The following CD84 variants were observed in gnomAD, a reference collection of about 807,000 sequenced individuals.
CD84 encodes the protein CD84 molecule, also known as SLAM family member 5.
A neutral mutation model predicts 33.8 loss-of-function variants in CD84; 22 were observed. The observed-to-expected ratio is 0.65, with a 90% CI of 0.46 to 0.93. The LOEUF (loss-of-function observed/expected upper bound fraction) is 0.93, where lower values mean the gene tolerates loss of function less well. Ranked by LOEUF, CD84 falls within the 40% of genes least tolerant of loss-of-function variation. The pLI, the probability that CD84 is intolerant of heterozygous loss-of-function variation, is 0.00. For missense variants in CD84, 400 were observed against 397.6 expected (o/e 1.01, Z -0.05); for synonymous variants, 154 against 145.2 (o/e 1.06, Z -0.44).
chr1:160,571,657 G>T (rs1190711060), intron 1 of CD84, among the ~76,000 whole-genome samples: 1 of 152,142 alleles, frequency 6.6e-6, no homozygotes, highest in Non-Finnish European at 1.5e-5. Flanking sequence ...TAAAATAGAA[G>T]AGACTGGGGG....
In CD84 at chr1:160,548,267, T is replaced by A. The variant is rs781758533; in HGVS notation, c.976A>T (p.Ile326Phe). The A allele has an allele frequency of 2.5e-6, 4 of 1,614,174 alleles. No individual in the cohort carries two copies. The South Asian group carries it at 3.3e-5, about 13-fold the overall frequency. ...TTCAGCCCAGCAGCCTAGATCACAA[T>A]TTCATAGCTTGAAGTCCCAGGAGGT... ...SKPPGTSSYE[I>F]VI is the part of the protein sequence containing the mutation. Residue 326 changes from isoleucine to phenylalanine, a missense_variant, in exon 7 of 7, where the codon ATT (isoleucine) becomes TTT (phenylalanine). Coordinates refer to ENST00000368054, the MANE Select transcript of CD84 (RefSeq NM_003874.4).
chr1:160,577,357 G>A lies in CD84; in HGVS notation c.46+2035C>T, dbSNP rs573251007. Among the ~76,000 whole-genome samples, 8 of 152,276 alleles carry A rather than the reference G, an allele frequency of 5.3e-5. No homozygotes were observed. In the South Asian group the frequency reaches 1.5e-3, roughly 28 times the overall value. ...GGAACAGCAGCAGGAGGAATTCATG[G>A]TATATTTTTGTGCTCAGAAAAGGTT... is the stretch of plus-strand genomic sequence containing the variant. On this transcript the variant is annotated intron_variant, in intron 1 of 6. Transcript: ENST00000368054.
At chr1:160,558,068 A>T (rs1206243824) in intron 2 of CD84, among the ~76,000 whole-genome samples, 1 of 152,208 alleles carries the variant, frequency 6.6e-6, no homozygotes, top group Admixed American at 6.5e-5. Flanking sequence ...GGCTTTGGAG[A>T]GTCCAGAGAG....
At position 160,548,209 on chromosome 1, in the gene CD84, T is replaced by C. The variant is rs1553231191; in HGVS notation, c.*47A>G. 3 of 1,592,654 alleles carry C rather than the reference T, an allele frequency of 1.9e-6. No homozygotes were observed. Among genetic ancestry groups the C allele is most frequent in the African/African-American group, 1.3e-5 (1 of 74,554 alleles). On this transcript the variant is annotated 3_prime_UTR_variant, in exon 7 of 7. Transcript: ENST00000368054. ...TCTGGATCCAGGGAACCTGCCAGTA[T>C]TGGTGGTTGTAACTCAGTTTCCAGA...
rs768167831 is a variant in CD84 at position 160,548,361 on chromosome 1, G to T, written c.922-40C>A. The T allele has an allele frequency of 8.7e-6, 14 of 1,608,524 alleles. No individual in the cohort carries two copies. The Middle Eastern group carries it at 8.3e-4, about 95-fold the overall frequency. On this transcript the variant is annotated intron_variant, in intron 6 of 6. Coordinates refer to ENST00000368054, the MANE Select transcript of CD84 (RefSeq NM_003874.4). Reference sequence around the variant, plus strand: ...AGCGTGAGAAAATGTTAACTGAGAGGTGCTGCTGGGGAACTCCAGTCCTGC... The same window carrying T: ...AGCGTGAGAAAATGTTAACTGAGAGTTGCTGCTGGGGAACTCCAGTCCTGC...
intron 3 of CD84, 82 bp from the exon 4 acceptor site, chr1:160,553,579 A>G: frequency 1.3e-6 from 2 of 1,513,994 alleles, no homozygotes. Context: ...AGTCAGGGGC[A>G]TTATGAAAAT....
At chr1:160,552,569 G>A (rs1656305602) in intron 4 of CD84, 1 of 620,736 alleles carries the variant, frequency 1.6e-6, no homozygotes, top group Non-Finnish European at 3.0e-6. Context: ...AAAAAAACTG[G>A]TAGCTGATAA....
At chr1:160,552,719 A>C in intron 4 of CD84, 1 of 1,548,340 alleles carries the variant, frequency 6.5e-7, no homozygotes, top group Non-Finnish European at 8.7e-7. Flanking sequence ...GTTCTTAGTG[A>C]AGGTGTTCAA....
intron 2 of CD84, among the ~76,000 whole-genome samples, chr1:160,563,065 G>T (rs915920139): frequency 1.3e-5 from 2 of 152,120 alleles, no homozygotes; most frequent in Non-Finnish European, 2.9e-5. Flanking sequence ...CGTCAGAATG[G>T]CAATTATTAA....
Position 160,554,127 on chromosome 1 carries a change from T to G in CD84, c.408A>C (p.Lys136Asn). 6.2e-7 allele frequency: 1 copy of G among 1,612,946 alleles called. No homozygotes were observed. Among genetic ancestry groups the G allele is most frequent in the Non-Finnish European group, 8.5e-7 (1 of 1,179,084 alleles). Residue 136 changes from lysine to asparagine, a missense_variant, in exon 3 of 7, where the codon AAA (lysine) becomes AAC (asparagine). Physicochemically the swap from Lys to Asn is moderately conservative, Grantham distance 94. Transcript: ENST00000368054. ...CAGATGCCATTAAACTCTGTGTAAT[T>G]TTTGGTTTCCCAAGCCGACCTGTGG... is the stretch of plus-strand genomic sequence containing the variant. ...LQIYRRLGKP[K>N]ITQSLMASVN...
Position 160,548,176 on chromosome 1 carries a change from A to T in CD84, c.*80T>A. 6.9e-7 allele frequency: 1 copy of T among 1,442,180 alleles called. No individual in the cohort carries two copies. Among genetic ancestry groups the T allele is most frequent in the Non-Finnish European group, 9.7e-7 (1 of 1,026,660 alleles). The allele number at this position is 1,442,180 out of a possible 1,614,324, so 89.3% of individuals were successfully genotyped here. On this transcript the variant is annotated 3_prime_UTR_variant, in exon 7 of 7. Coordinates refer to ENST00000368054, the MANE Select transcript of CD84 (RefSeq NM_003874.4). ...TGCAATCTCCCAGTAAGAGTTGGGC[A>T]GAGAAGATCTGGATCCAGGGAACCT...
intron 2 of CD84, among the ~76,000 whole-genome samples, chr1:160,555,607 G>A (rs1288617062): frequency 2.0e-5 from 3 of 152,178 alleles, no homozygotes; most frequent in Non-Finnish European, 4.4e-5. Flanking sequence ...CTGGCATGGG[G>A]AAGCGTTAAG....
rs770265408 is a variant in CD84 at position 160,565,575 on chromosome 1, C to T, written c.217G>A (p.Val73Ile). 2.5e-6 allele frequency: 4 copies of T among 1,613,820 alleles called. No homozygotes were observed. The highest frequency in any genetic ancestry group is 3.3e-5 in the Admixed American group (2 of 59,978). ...TAATTTCTGTGGGTCACAGTAACTA[C>T]GGGTGCTGTTTCTGAGTCTCCTGGT... ...VTPGDSETAPVVTVTHRNYYE... is the reference protein window; with the variant it reads ...VTPGDSETAPIVTVTHRNYYE... Residue 73 changes from valine to isoleucine, a missense_variant, in exon 2 of 7, where the codon GTA becomes ATA. Physicochemically the swap from Val to Ile is conservative, Grantham distance 29. Transcript: ENST00000368054.
At chr1:160,560,585 C>A (rs1348356603) in intron 2 of CD84, among the ~76,000 whole-genome samples, 2 of 152,036 alleles carry the variant, frequency 1.3e-5, no homozygotes, top group African/African-American at 4.8e-5. Context: ...ACTAAAAGAA[C>A]TATAGAACCA....
Position 160,560,206 on chromosome 1 carries a change from G to A in CD84, c.388+5198C>T, listed in dbSNP as rs147186956. On this transcript the variant is annotated intron_variant, in intron 2 of 6. Transcript: ENST00000368054. ...CAGAATATATATTCTTCTCAACACC[G>A]TATGCACTTACTTTAAAATTGATCA... 9.1e-4 allele frequency among the ~76,000 whole-genome samples: 138 copies of A among 152,074 alleles called. 1 individual carries two copies. The East Asian group carries it at 0.021, about 23-fold the overall frequency.
In CD84 at chr1:160,554,040, T is replaced by C; in HGVS notation, c.495A>G (p.Thr165=). 3 of 1,614,234 alleles carry C rather than the reference T, an allele frequency of 1.9e-6. No individual in the cohort carries two copies. Among genetic ancestry groups the C allele is most frequent in the Non-Finnish European group, 2.5e-6 (3 of 1,180,044 alleles). The stretch of plus-strand genomic sequence containing the variant: ...CTTCTCCCAGGGGACTCCAATTGTA[T>C]GTCACATTCTTTTCTTCTTTCTCTA... ...CSVEKEEKNV[T]YNWSPLGEEG... The change falls in exon 3 of 7, where the codon ACA becomes ACG. Residue 165 remains threonine (T), a synonymous_variant. Transcript: ENST00000368054.
At chr1:160,578,347 T>G (rs1201546475) in intron 1 of CD84, among the ~76,000 whole-genome samples, 1 of 152,180 alleles carries the variant, frequency 6.6e-6, no homozygotes, top group Non-Finnish European at 1.5e-5. Flanking sequence ...TTGCATTTTC[T>G]GTCTGCCATT....
chr1:160,557,757 A>T (rs1007787884), intron 2 of CD84, among the ~76,000 whole-genome samples: 2 of 152,196 alleles, frequency 1.3e-5, no homozygotes, highest in Admixed American at 1.3e-4. Context: ...TAATATGAAA[A>T]TTACTGAGGA....
At chr1:160,567,840 G>A (rs1410635791) in intron 1 of CD84, among the ~76,000 whole-genome samples, 1 of 152,112 alleles carries the variant, frequency 6.6e-6, no homozygotes, top group Non-Finnish European at 1.5e-5. Context: ...TATTTGGAGT[G>A]TCCCAGCGTG....
Sources: allele counts gnomAD v4.1 joint callset (sites outside exome capture counted in the v4.1 genomes callset), GRCh38; gene constraint gnomAD v4.1.1; transcripts MANE v1.5; gene names NCBI Gene and HGNC (gene_info 2026-07-23, HGNC 2026-07-21).